Variants in NAV2 observed in about 807,000 individuals in gnomAD.
The protein encoded by NAV2 is neuron navigator 2.
In NAV2, 54 loss-of-function variants were observed where a neutral mutation model predicts 223.2. That is an observed-to-expected ratio of 0.24 (90% confidence interval 0.19 to 0.30). The LOEUF is 0.30. Ranked by LOEUF, NAV2 falls within the 10% of genes least tolerant of loss-of-function variation. The probability of loss-of-function intolerance (pLI) is 1.00; values close to 1 mark genes in which losing one functional copy is unlikely to be tolerated. For synonymous variants in NAV2, 1,279 were observed against 1,239.3 expected (o/e 1.03, Z -0.67); for missense variants, 2,806 against 3,147.5 (o/e 0.89, Z 2.60).
intron 5 of NAV2, among the ~76,000 whole-genome samples, chr11:19,885,127 C>T (rs761505650): frequency 6.6e-5 from 10 of 152,178 alleles, no homozygotes; most frequent in Non-Finnish European, 8.8e-5. Flanking sequence ...ATTTATTGAA[C>T]GCACCAGTTC....
rs1317829026 is a variant in NAV2, at chr11:20,012,688, A to AG, written c.2769-23271_2769-23270insG. Among the ~76,000 whole-genome samples, 24 of 2,888 alleles carry AG rather than the reference A, an allele frequency of 8.3e-3. 1 individual carries two copies. Among genetic ancestry groups the AG allele is most frequent in the Non-Finnish European group, 0.033 (15 of 450 alleles). 1.9% of individuals were successfully genotyped at this position (2,888 alleles called of 152,430 possible). A position where few individuals can be genotyped will look rare whatever the true frequency, so the allele number is the denominator to read the frequency against. ...AGACTCCATCTCAAAAAAAAAAAAA[A>AG]AAAGAAGGGGGAAAAGAGCGACCAG... On this transcript the variant is annotated intron_variant, in intron 11 of 37. Transcript: ENST00000349880.
At chr11:19,538,366 G>T (rs1227896043) in intron 1 of NAV2, among the ~76,000 whole-genome samples, 1 of 151,854 alleles carries the variant, frequency 6.6e-6, no homozygotes, top group African/African-American at 2.4e-5. Flanking sequence ...TTTGAGACAG[G>T]GTCTTGCTCT....
chr11:20,002,934 C>T (rs2052699021), intron 11 of NAV2, among the ~76,000 whole-genome samples: 1 of 152,192 alleles, frequency 6.6e-6, no homozygotes, highest in African/African-American at 2.4e-5. Flanking sequence ...AACTGGCCAC[C>T]TCCTAATGAT....
chr11:19,455,164 G>T (rs991574528), intron 1 of NAV2, among the ~76,000 whole-genome samples: 3 of 152,198 alleles, frequency 2.0e-5, no homozygotes, highest in African/African-American at 7.2e-5. Context: ...GCCAGGTTGG[G>T]TCAGGTAACT....
At chr11:19,936,682 C>T (rs2045936492) in intron 7 of NAV2, among the ~76,000 whole-genome samples, 1 of 152,220 alleles carries the variant, frequency 6.6e-6, no homozygotes, top group Non-Finnish European at 1.5e-5. Flanking sequence ...TCGGCACTGG[C>T]TGCAGGAACA....
chr11:19,827,301 G>C (rs7945299), intron 1 of NAV2, among the ~76,000 whole-genome samples: 54,219 of 152,108 alleles, frequency 0.36, 10,096 homozygotes, highest in Middle Eastern at 0.44. Flanking sequence ...GTGGGCCACA[G>C]GTCACTCGGT....
chr11:19,669,057 A>G (rs542793835), intron 1 of NAV2, among the ~76,000 whole-genome samples: 6 of 152,312 alleles, frequency 3.9e-5, no homozygotes, highest in African/African-American at 1.4e-4. Context: ...CGGCCATTAG[A>G]GAGATGGTTA....
chr11:19,980,375 C>T (rs1306603653), intron 10 of NAV2, among the ~76,000 whole-genome samples: 1 of 152,166 alleles, frequency 6.6e-6, no homozygotes, highest in Non-Finnish European at 1.5e-5. Context: ...TCATTAGGCT[C>T]CAGCACTAAT....
intron 1 of NAV2, among the ~76,000 whole-genome samples, chr11:19,441,441 C>A (rs968967325): frequency 8.8e-5 from 12 of 135,944 alleles, no homozygotes; most frequent in Admixed American, 2.2e-4. Flanking sequence ...CACACACACA[C>A]ACACACGCAC....
chr11:20,048,625 T>A, intron 14 of NAV2, 103 bp from the exon 15 acceptor site: 1 of 967,698 alleles, frequency 1.0e-6, no homozygotes, highest in East Asian at 2.5e-5. Flanking sequence ...TGTGCTTCCT[T>A]CCCCAGGAAT....
intron 8 of NAV2, among the ~76,000 whole-genome samples, chr11:19,940,167 G>A (rs1376536639): frequency 6.6e-6 from 1 of 151,960 alleles, no homozygotes; most frequent in Non-Finnish European, 1.5e-5. Flanking sequence ...TTTCGTTCCT[G>A]TATGGAAGCA....
At chr11:19,851,102 C>T (rs2061093935) in intron 3 of NAV2, among the ~76,000 whole-genome samples, 1 of 152,128 alleles carries the variant, frequency 6.6e-6, no homozygotes. Flanking sequence ...CTGATTTTAT[C>T]TTCCTAAAAC....
At chr11:19,568,331 A>G (rs2045330283) in intron 1 of NAV2, among the ~76,000 whole-genome samples, 1 of 152,178 alleles carries the variant, frequency 6.6e-6, no homozygotes. Flanking sequence ...TCCAGTACTG[A>G]GACCCTGAGA....
At chr11:19,648,662 C>T (rs1413770309) in intron 1 of NAV2, among the ~76,000 whole-genome samples, 2 of 152,108 alleles carry the variant, frequency 1.3e-5, no homozygotes, top group African/African-American at 4.8e-5. Flanking sequence ...GTGATGGGGC[C>T]CCCTGAGAGA....
chr11:19,599,494 G>T (rs774984120), intron 1 of NAV2, among the ~76,000 whole-genome samples: 7 of 152,222 alleles, frequency 4.6e-5, no homozygotes, highest in Non-Finnish European at 1.0e-4. Flanking sequence ...GGCGTTCTTT[G>T]AAGGTACAAA....
At chr11:19,556,201 T>A (rs1000421534) in intron 1 of NAV2, among the ~76,000 whole-genome samples, 1 of 152,200 alleles carries the variant, frequency 6.6e-6, no homozygotes, top group Non-Finnish European at 1.5e-5. Context: ...AAGACACTCA[T>A]CCTAATGTCA....
At chr11:19,763,347 A>G (rs2054926119) in intron 1 of NAV2, among the ~76,000 whole-genome samples, 1 of 152,246 alleles carries the variant, frequency 6.6e-6, no homozygotes, top group African/African-American at 2.4e-5. Flanking sequence ...TGGCAGATGA[A>G]CAACCTGCTT....
chr11:19,450,298 T>TCAGACCTG lies in NAV2; in HGVS notation c.75+99275_75+99282dup, dbSNP rs564401002. Among the ~76,000 whole-genome samples the TCAGACCTG allele has an allele frequency of 5.2e-4, 79 of 152,286 alleles. No homozygotes were observed. The East Asian group carries it at 6.2e-3, about 12-fold the overall frequency. On this transcript the variant is annotated intron_variant, in intron 1 of 37. Coordinates refer to the NAV2 transcript ENST00000360655. ...ACAGGTCACTTAAAATCAGCAGTAT[T>TCAGACCTG]CAGACCTGCAGGGCCACCTATTCCC...
In NAV2 at chr11:19,593,101, A is replaced by G. The variant is rs12225569; in HGVS notation, c.76-239383A>G. ...AGATACAGAACTCTCCCCTGTCCACAAAGATCTCCCTTGTGCAGCCCCTTC... is the reference window on the plus strand; with the variant it reads ...AGATACAGAACTCTCCCCTGTCCACGAAGATCTCCCTTGTGCAGCCCCTTC... On this transcript the variant is annotated intron_variant, in intron 1 of 37. Transcript: ENST00000360655. 2.5e-3 allele frequency among the ~76,000 whole-genome samples: 374 copies of G among 152,266 alleles called. 8 individuals are homozygous for G. In the East Asian group the frequency reaches 0.052, roughly 21 times the overall value.
Sources: gnomAD v4.1 joint callset for allele counts (sites outside exome capture counted in the v4.1 genomes callset) on GRCh38, gnomAD v4.1.1 for gene constraint, MANE v1.5 for transcripts, NCBI Gene and HGNC (gene_info 2026-07-23, HGNC 2026-07-21) for gene names.